VRK2: variants seen among roughly 807,000 people sequenced by gnomAD.
VRK2 encodes serine/threonine-protein kinase VRK2.
VRK2 carries 60 observed loss-of-function variants against 57.6 expected under a neutral mutation model. That is an observed-to-expected ratio of 1.04 (90% CI 0.85 to 1.29). VRK2 has a LOEUF of 1.29. Among genes scored for constraint, VRK2 ranks in the 50% most tolerant of loss-of-function variants. The pLI is 0.00. For missense variants in VRK2, 705 were observed against 588.1 expected (o/e 1.20, Z -2.06); for synonymous variants, 231 against 199.2 (o/e 1.16, Z -1.35).
At chr2:58,125,837 G>A (rs994872428) in intron 8 of VRK2, among the ~76,000 whole-genome samples, 1 of 151,886 alleles carries the variant, frequency 6.6e-6, no homozygotes, top group Admixed American at 6.6e-5. Flanking sequence ...TTTAGTCTGG[G>A]ATATAAAATG....
intron 2 of VRK2, among the ~76,000 whole-genome samples, chr2:58,065,151 T>C (rs980312340): frequency 4.0e-5 from 6 of 151,790 alleles, no homozygotes; most frequent in Non-Finnish European, 8.8e-5. Context: ...TTTTTTCTTA[T>C]TTATAAAAAT....
chr2:57,942,925 A>G (rs1367993184), intron 1 of VRK2, among the ~76,000 whole-genome samples: 1 of 152,184 alleles, frequency 6.6e-6, no homozygotes, highest in African/African-American at 2.4e-5. Context: ...ACTTCTGACA[A>G]TGCCTTAGGA....
At chr2:58,023,311 C>T (rs1558545280) in intron 1 of VRK2, among the ~76,000 whole-genome samples, 1 of 152,150 alleles carries the variant, frequency 6.6e-6, no homozygotes, top group Admixed American at 6.5e-5. Context: ...TCAGAATTTT[C>T]TTCCAAGACT....
chr2:58,130,275 A>T (rs865966601), intron 8 of VRK2, among the ~76,000 whole-genome samples: 5 of 152,224 alleles, frequency 3.3e-5, no homozygotes, highest in Middle Eastern at 3.2e-3. Context: ...GATGGTAATC[A>T]GGAATTGCCA....
rs540257822 is a variant in VRK2, at chr2:58,102,782, C to T, written c.543+13059C>T. Among the ~76,000 whole-genome samples the T allele has an allele frequency of 1.1e-3, 170 of 151,720 alleles. 1 individual carries two copies. The highest frequency in any genetic ancestry group is 3.9e-3 in the African/African-American group (163 of 41,474). The stretch of plus-strand genomic sequence containing the variant: ...GATATTCCAAGAGCTGCAGAATATA[C>T]ATTTTACTCATCATCACAGGGAACA... On this transcript the variant is annotated intron_variant, in intron 7 of 12. Transcript: ENST00000340157.
At chr2:58,004,896 AT>A (rs1673197533) in intron 1 of VRK2, among the ~76,000 whole-genome samples, 1 of 152,170 alleles carries the variant, frequency 6.6e-6, no homozygotes, top group Non-Finnish European at 1.5e-5. Context: ...TTGAAACTGT[AT>A]TAAATAATCA....
At chr2:58,137,228 T>TATGA (rs1558687393) in intron 10 of VRK2, among the ~76,000 whole-genome samples, 1 of 133,320 alleles carries the variant, frequency 7.5e-6, no homozygotes, top group African/African-American at 3.2e-5. Context: ...ATATATCATA[T>TATGA]GATACATATA....
intron 2 of VRK2, among the ~76,000 whole-genome samples, chr2:58,028,671 G>A (rs916285415): frequency 5.3e-5 from 8 of 151,082 alleles, no homozygotes; most frequent in South Asian, 2.1e-4. Flanking sequence ...TCACTCATAG[G>A]TGGGAACTGA....
At chr2:58,050,433 A>G (rs1296434301) in intron 2 of VRK2, among the ~76,000 whole-genome samples, 1 of 152,208 alleles carries the variant, frequency 6.6e-6, no homozygotes, top group Non-Finnish European at 1.5e-5. Flanking sequence ...CTTTTACAGC[A>G]AAGAGTTAAG....
At chr2:58,040,561 G>A (rs1674416780) in intron 3 of VRK2, among the ~76,000 whole-genome samples, 2 of 152,184 alleles carry the variant, frequency 1.3e-5, no homozygotes, top group Admixed American at 6.5e-5. Context: ...GACCCAAAGC[G>A]ACAAGAGAAG....
chr2:57,938,864 A>G (rs1310723673), intron 1 of VRK2, among the ~76,000 whole-genome samples: 2 of 152,158 alleles, frequency 1.3e-5, no homozygotes, highest in Non-Finnish European at 2.9e-5. Flanking sequence ...TATGACTTCA[A>G]AAAAAGAACT....
At position 57,986,681 on chromosome 2, in the gene VRK2, C is replaced by A. The variant is rs556406352; in HGVS notation, c.-438-38984C>A. On this transcript the variant is annotated intron_variant, in intron 1 of 15. Transcript: ENST00000417641. ...TGGCACGATCTCAACTCACTGCAACCTCTGCCTCCCAGGTTCAAGCAATTC... is the reference window on the plus strand; with the variant it reads ...TGGCACGATCTCAACTCACTGCAACATCTGCCTCCCAGGTTCAAGCAATTC... Among the ~76,000 whole-genome samples, 79 of 150,712 alleles carry A rather than the reference C, an allele frequency of 5.2e-4. 2 individuals are homozygous for A. The highest frequency in any genetic ancestry group is 1.9e-3 in the African/African-American group (77 of 40,732).
intron 1 of VRK2, among the ~76,000 whole-genome samples, chr2:58,000,325 C>A (rs2103621976): frequency 6.6e-6 from 1 of 152,266 alleles, no homozygotes; most frequent in East Asian, 1.9e-4. Flanking sequence ...AAGCTCCCTG[C>A]ATTAGCTTCA....
chr2:58,032,264 C>A (rs1366553313), intron 2 of VRK2, among the ~76,000 whole-genome samples: 2 of 151,980 alleles, frequency 1.3e-5, no homozygotes, highest in African/African-American at 2.4e-5. Context: ...TCAGCTCAGG[C>A]TGCTATAACA....
intron 1 of VRK2, among the ~76,000 whole-genome samples, chr2:57,920,330 C>A (rs1439508066): frequency 1.3e-5 from 2 of 152,086 alleles, no homozygotes; most frequent in Non-Finnish European, 2.9e-5. Flanking sequence ...AACTAACTGT[C>A]ACACTCCAGA....
chr2:58,116,219 G>T (rs71206885), intron 7 of VRK2, among the ~76,000 whole-genome samples: 19 of 151,730 alleles, frequency 1.3e-4, no homozygotes, highest in East Asian at 7.7e-4. Context: ...TAAGGGGTGC[G>T]TGATCGGTCG....
intron 1 of VRK2, among the ~76,000 whole-genome samples, chr2:58,006,378 T>C (rs1673245187): frequency 6.6e-6 from 1 of 152,182 alleles, no homozygotes; most frequent in South Asian, 2.1e-4. Context: ...CATGCCTTGG[T>C]TTGACTTAGT....
chr2:58,146,626 A>T (rs1682180754), intron 12 of VRK2, 152 bp downstream of exon 12: 1 of 891,862 alleles, frequency 1.1e-6, no homozygotes, highest in Non-Finnish European at 1.6e-6. Context: ...CCAGCTGATA[A>T]AATTAAAGCG....
At chr2:58,060,093 G>C (rs940081699) in intron 2 of VRK2, among the ~76,000 whole-genome samples, 3 of 151,624 alleles carry the variant, frequency 2.0e-5, no homozygotes, top group African/African-American at 7.3e-5. Context: ...AGTGTAAGGA[G>C]GATAGTAGAA....
Sources: gnomAD v4.1 joint callset for allele counts (sites outside exome capture counted in the v4.1 genomes callset) on GRCh38, gnomAD v4.1.1 for gene constraint, MANE v1.5 for transcripts, NCBI Gene and HGNC (gene_info 2026-07-23, HGNC 2026-07-21) for gene names.